The following TEX15 variants were observed in gnomAD, a reference collection of about 807,000 sequenced individuals.
TEX15 encodes testis expressed 15, meiosis and synapsis associated, also known as testis-expressed protein 15.
TEX15 carries 171 observed loss-of-function variants against 237.3 expected under a neutral mutation model. The observed-to-expected ratio is 0.72, with a 90% CI of 0.64 to 0.82. The LOEUF is 0.82. Among genes scored for constraint, TEX15 ranks in the 40% least tolerant of loss-of-function variants. The pLI is 0.00. For synonymous variants in TEX15, 1,338 were observed against 1,269.8 expected (o/e 1.05, Z -1.14); for missense variants, 3,750 against 3,646.5 (o/e 1.03, Z -0.73).
At position 30,848,053 on chromosome 8, in the gene TEX15, T is replaced by A; in HGVS notation, c.2114A>T (p.Asp705Val). The A allele has an allele frequency of 6.2e-7, 1 of 1,613,800 alleles. No individual in the cohort carries two copies. Among genetic ancestry groups the A allele is most frequent in the Non-Finnish European group, 8.5e-7 (1 of 1,179,938 alleles). ...AATTTGCCATTCCAATGCTAGATGA[T>A]CTAGTTCATCCTTATCCTTTATGGT... ...TSTIKDKDEL[D>V]HLALEWQITP... The change falls in exon 8 of 11, where the codon GAT (aspartate) becomes GTT (valine). Residue 705 changes from aspartate to valine, a missense_variant. By Grantham distance (152) the Asp-to-Val change is radical (BLOSUM62 -3). Coordinates refer to ENST00000643185, the MANE Select transcript of TEX15 (RefSeq NM_001350162.2).
chr8:30,869,086 A>G (rs1808235467), intron 4 of TEX15, among the ~76,000 whole-genome samples: 1 of 151,948 alleles, frequency 6.6e-6, no homozygotes, highest in African/African-American at 2.4e-5. Flanking sequence ...TGAAAAAAAA[A>G]TGGGCCTAAA....
intron 5 of TEX15, among the ~76,000 whole-genome samples, chr8:30,860,656 T>A (rs1808029055): frequency 6.6e-6 from 1 of 150,860 alleles, no homozygotes; most frequent in Non-Finnish European, 1.5e-5. Context: ...CCTCCGCCTC[T>A]TGGGCTCCAC....
intron 3 of TEX15, among the ~76,000 whole-genome samples, chr8:30,886,460 T>A (rs183913615): frequency 1.3e-5 from 2 of 152,206 alleles, no homozygotes; most frequent in Admixed American, 1.3e-4. Context: ...CTAACCCTAG[T>A]GGAAAGGACA....
chr8:30,837,469 G>A lies in TEX15; in HGVS notation c.8815C>T (p.Pro2939Ser), dbSNP rs373992105. 5.6e-6 allele frequency: 9 copies of A among 1,613,872 alleles called. No individual in the cohort carries two copies. The African/African-American group carries it at 1.2e-4, about 22-fold the overall frequency. Residue 2939 changes from proline (P) to serine (S), a missense_variant, in exon 10 of 11, where the codon CCC becomes TCC. Coordinates refer to ENST00000643185, the MANE Select transcript of TEX15 (RefSeq NM_001350162.2). ...KNSSCMTSPEPICIQNKIPTL... is the reference protein window; with the variant it reads ...KNSSCMTSPESICIQNKIPTL... ...GGAATTTTGTTCTGGATACAGATGGGTTCTGGAGAAGTCATGCATGAGGAA... is the reference window on the plus strand; with the variant it reads ...GGAATTTTGTTCTGGATACAGATGGATTCTGGAGAAGTCATGCATGAGGAA...
chr8:30,847,899 A>G lies in TEX15; in HGVS notation c.2268T>C (p.Asn756=), dbSNP rs1807660591. 1 of 1,613,740 alleles carries G rather than the reference A, an allele frequency of 6.2e-7. No individual in the cohort carries two copies. The highest frequency in any genetic ancestry group is 1.1e-5 in the South Asian group (1 of 91,074). Residue 756 remains asparagine, a synonymous_variant, in exon 8 of 11, where the codon AAT becomes AAC. Transcript: ENST00000643185. ...AAGCTTCAGTTATAATGCTAGCATA[A>G]TTTTGATTTATTTTCCCCAATTTCA... ...MELKLGKINQ[N]YASIITEAFP... is the part of the protein sequence containing the mutation.
chr8:30,859,896 G>A lies in TEX15; in HGVS notation c.687+15C>T. 3 of 1,382,590 alleles carry A rather than the reference G, an allele frequency of 2.2e-6. No individual in the cohort carries two copies. The highest frequency in any genetic ancestry group is 5.6e-5 in the East Asian group (2 of 35,764). 85.6% of individuals were successfully genotyped at this position (1,382,590 alleles called of 1,614,324 possible). A position where few individuals can be genotyped will look rare whatever the true frequency, so the allele number is the denominator to read the frequency against. On this transcript the variant is annotated intron_variant, in intron 6 of 10. Transcript: ENST00000643185. ...ACATGTACTTTTCAAGAAATCAAAT[G>A]AACCATTAACATACTGCTGAACTGT...
At chr8:30,905,322 T>C (rs890289252) in intron 1 of TEX15, among the ~76,000 whole-genome samples, 1 of 147,378 alleles carries the variant, frequency 6.8e-6, no homozygotes, top group Non-Finnish European at 1.5e-5. Flanking sequence ...CCAGGAGAAA[T>C]AAACTGGAGT....
chr8:30,889,279 C>T (rs1395290949), intron 2 of TEX15, among the ~76,000 whole-genome samples: 3 of 151,984 alleles, frequency 2.0e-5, no homozygotes, highest in Non-Finnish European at 4.4e-5. Context: ...AGTGAAACTC[C>T]GTCTCTACTA....
rs1297871574 is a variant in TEX15, at chr8:30,847,027, T to C, written c.3140A>G (p.Asn1047Ser). ...KSQESFHQSI[N>S]ENLVLQSIEL... The stretch of plus-strand genomic sequence containing the variant: ...AATGCTCTGAAGAACTAAGTTCTCA[T>C]TTATTGATTGATGAAATGATTCTTG... Residue 1047 changes from asparagine to serine, a missense_variant, in exon 8 of 11, where the codon AAT becomes AGT. Physicochemically the swap from Asn to Ser is conservative, Grantham distance 46. Coordinates refer to ENST00000643185, the MANE Select transcript of TEX15 (RefSeq NM_001350162.2). The C allele has an allele frequency of 1.9e-6, 3 of 1,612,562 alleles. No individual in the cohort carries two copies. The highest frequency in any genetic ancestry group is 1.7e-5 in the Admixed American group (1 of 59,952).
Position 30,868,063 on chromosome 8 carries a change from G to A in TEX15, c.303-561C>T, listed in dbSNP as rs561044512. 6.6e-5 allele frequency among the ~76,000 whole-genome samples: 10 copies of A among 151,976 alleles called. 1 individual carries two copies. In the South Asian group the frequency reaches 2.1e-3, roughly 32 times the overall value. On this transcript the variant is annotated intron_variant, in intron 4 of 10. Coordinates refer to ENST00000643185, the MANE Select transcript of TEX15 (RefSeq NM_001350162.2). ...TCTACACATCTATAGACACAAAAGC[G>A]CACACACATGCACAAATATATCAAT...
chr8:30,893,944 A>C (rs1375537360), intron 2 of TEX15, among the ~76,000 whole-genome samples: 1 of 152,040 alleles, frequency 6.6e-6, no homozygotes, highest in Non-Finnish European at 1.5e-5. Context: ...TTCTATCTTT[A>C]TTCTTCATGT....
At chr8:30,905,682 A>T (rs1489529614) in intron 1 of TEX15, among the ~76,000 whole-genome samples, 2 of 141,724 alleles carry the variant, frequency 1.4e-5, no homozygotes, top group Non-Finnish European at 3.0e-5. Context: ...TGAGCTCAGG[A>T]GTTCAAGACC....
chr8:30,853,966 A>G (rs1279727651), intron 7 of TEX15, among the ~76,000 whole-genome samples: 1 of 152,140 alleles, frequency 6.6e-6, no homozygotes, highest in Non-Finnish European at 1.5e-5. Context: ...AATGAAAATT[A>G]CAACATTACA....
Position 30,845,269 on chromosome 8 carries a change from T to C in TEX15, c.4898A>G (p.Asn1633Ser), listed in dbSNP as rs61736163. ...ACCTATGCAAGTTGCATCACAATCG[T>C]TGCCTGTACTAGAATTTATGTTTTC... The part of the protein sequence containing the change: ...IKENINSSTG[N>S]DCDATCIGHT... Residue 1633 changes from asparagine (N) to serine (S), a missense_variant, in exon 8 of 11, where the codon AAC (asparagine) becomes AGC (serine). Transcript: ENST00000643185. The C allele has an allele frequency of 0.069, 111,049 of 1,613,136 alleles. 6,158 individuals carry two copies. Among genetic ancestry groups the C allele is most frequent in the African/African-American group, 0.27 (20,379 of 74,932 alleles).
chr8:30,849,336 G>T lies in TEX15; in HGVS notation c.851-20C>A. On this transcript the variant is annotated intron_variant, in intron 7 of 10. Coordinates refer to ENST00000643185, the MANE Select transcript of TEX15 (RefSeq NM_001350162.2). ...TCCTTTCTGTGGAAATAATAAGGAA[G>T]ACAAATTTGAAAAAAAGTGTTTCTA... The T allele has an allele frequency of 7.0e-7, 1 of 1,433,222 alleles. No homozygotes were observed. Among genetic ancestry groups the T allele is most frequent in the South Asian group, 1.4e-5 (1 of 72,330 alleles). 88.8% of individuals were successfully genotyped at this position (1,433,222 alleles called of 1,614,324 possible).
Position 30,837,007 on chromosome 8 carries a change from A to T in TEX15, c.9277T>A (p.Tyr3093Asn). 4 of 1,614,160 alleles carry T rather than the reference A, an allele frequency of 2.5e-6. No individual in the cohort carries two copies. The highest frequency in any genetic ancestry group is 3.4e-6 in the Non-Finnish European group (4 of 1,180,028). The change falls in exon 10 of 11, where the codon TAC (tyrosine) becomes AAC (asparagine). Residue 3093 changes from tyrosine to asparagine, a missense_variant. Tyr to Asn is a moderately radical substitution (Grantham distance 143). Transcript: ENST00000643185. Reference sequence around the variant, plus strand: ...GCAAAATAAGTAAAATATTGAGAGTACAGAAGATTAGAATGTGTGCCCTGG... The same window carrying T: ...GCAAAATAAGTAAAATATTGAGAGTTCAGAAGATTAGAATGTGTGCCCTGG... ...TAQGTHSNLL[Y>N]SQYFTYFAGE... is the part of the protein sequence containing the mutation.
intron 3 of TEX15, among the ~76,000 whole-genome samples, chr8:30,881,766 C>T (rs757123027): frequency 1.2e-4 from 18 of 151,822 alleles, no homozygotes; most frequent in African/African-American, 3.9e-4. Flanking sequence ...GGATTACAGG[C>T]GCATACCGCC....
At chr8:30,875,782 G>T (rs1475022140) in intron 3 of TEX15, among the ~76,000 whole-genome samples, 1 of 151,802 alleles carries the variant, frequency 6.6e-6, no homozygotes, top group Non-Finnish European at 1.5e-5. Context: ...GAAAGGAAAG[G>T]GTTAAGTTAC....
chr8:30,908,400 A>G (rs529715468), intron 1 of TEX15, among the ~76,000 whole-genome samples: 5 of 152,352 alleles, frequency 3.3e-5, no homozygotes, highest in African/African-American at 1.2e-4. Flanking sequence ...TTAATGGCAC[A>G]AAATTTATAG....
Sources: allele counts gnomAD v4.1 joint callset (sites outside exome capture counted in the v4.1 genomes callset), GRCh38; gene constraint gnomAD v4.1.1; transcripts MANE v1.5; gene names NCBI Gene and HGNC (gene_info 2026-07-23, HGNC 2026-07-21).